The following PHACTR4 variants were observed in gnomAD, a reference collection of about 807,000 sequenced individuals.
PHACTR4 encodes the protein phosphatase and actin regulator 4.
Under a neutral mutation model 72.7 loss-of-function variants are expected in PHACTR4, and 51 were observed. The ratio of observed to expected loss-of-function variants is 0.70; its 90% CI spans 0.56 to 0.89. The LOEUF is 0.89. Ranked by LOEUF, PHACTR4 falls within the 40% of genes least tolerant of loss-of-function variation. The pLI, the probability that PHACTR4 is intolerant of heterozygous loss-of-function variation, is 0.00. For synonymous variants in PHACTR4, 255 were observed against 302.5 expected, an observed-to-expected ratio of 0.84 and a Z score of 1.63; for missense variants, 731 against 861.8, an observed-to-expected ratio of 0.85 and a Z score of 1.90.
At chr1:28,496,423 A>G in intron 13 of PHACTR4, 111 bp from the exon 14 acceptor site, 1 of 1,219,206 alleles carries the variant, frequency 8.2e-7, no homozygotes. Context: ...GTCGAATTAG[A>G]GCAGAGGAAA....
At chr1:28,473,533 G>T in intron 6 of PHACTR4, 21 bp from the exon 7 acceptor site, 1 of 1,542,046 alleles carries the variant, frequency 6.5e-7, no homozygotes, top group African/African-American at 1.4e-5. Flanking sequence ...TGAAATTGAT[G>T]TGTTGCTCTC....
intron 9 of PHACTR4, among the ~76,000 whole-genome samples, chr1:28,483,240 A>G (rs1351023943): frequency 2.6e-5 from 4 of 151,922 alleles, no homozygotes; most frequent in Non-Finnish European, 4.4e-5. Context: ...CAAAAAAACA[A>G]AAAACTTAGC....
chr1:28,418,314 A>C (rs796621053), intron 2 of PHACTR4, among the ~76,000 whole-genome samples: 1 of 148,228 alleles, frequency 6.7e-6, no homozygotes, highest in Non-Finnish European at 1.5e-5. Context: ...AATACAAAAA[A>C]AAAAAATAAT....
chr1:28,472,224 T>C (rs1178747322), intron 6 of PHACTR4, among the ~76,000 whole-genome samples: 1 of 147,736 alleles, frequency 6.8e-6, no homozygotes, highest in Non-Finnish European at 1.5e-5. Flanking sequence ...AAAAAAAAAT[T>C]AGAGACAGTA....
chr1:28,378,284 C>G (rs1310047813), intron 1 of PHACTR4, among the ~76,000 whole-genome samples: 4 of 145,734 alleles, frequency 2.7e-5, no homozygotes, highest in Non-Finnish European at 6.0e-5. Flanking sequence ...GGTGGATCAC[C>G]TGAGGTCAGG....
chr1:28,388,684 T>C (rs771491024), intron 1 of PHACTR4, among the ~76,000 whole-genome samples: 11 of 152,140 alleles, frequency 7.2e-5, no homozygotes, highest in Middle Eastern at 3.2e-3. Flanking sequence ...ACCCCGTCTC[T>C]ACTAAAAATA....
chr1:28,410,007 C>G (rs576994958), intron 2 of PHACTR4, among the ~76,000 whole-genome samples: 8 of 128,216 alleles, frequency 6.2e-5, no homozygotes, highest in Non-Finnish European at 1.2e-4. Flanking sequence ...TCGCTGTGTC[C>G]CCAGGCTGGA....
Position 28,480,734 on chromosome 1 carries a change from A to G in PHACTR4, c.1760+130A>G, listed in dbSNP as rs111849935. On this transcript the variant is annotated intron_variant, in intron 9 of 13. Coordinates refer to ENST00000373839, the MANE Select transcript of PHACTR4 (RefSeq NM_001048183.3). ...GAGACAGGGTCTTGCTCTGTCACCC[A>G]GGCTGGAGTAGTGGCGCGATCTCGG... 224 of 1,235,780 alleles carry G rather than the reference A, an allele frequency of 1.8e-4. 1 individual carries two copies. The African/African-American group carries it at 2.9e-3, about 16-fold the overall frequency. 76.6% of individuals were successfully genotyped at this position (1,235,780 alleles called of 1,614,324 possible).
At chr1:28,479,406 C>T (rs1201795118) in intron 8 of PHACTR4, among the ~76,000 whole-genome samples, 12 of 129,468 alleles carry the variant, frequency 9.3e-5, no homozygotes, top group African/African-American at 3.2e-4. Context: ...GGTCACAGAG[C>T]GAGACTCTGT....
intron 10 of PHACTR4, among the ~76,000 whole-genome samples, chr1:28,490,399 G>A (rs956590208): frequency 6.6e-6 from 1 of 151,954 alleles, no homozygotes. Flanking sequence ...GGGCATGGTG[G>A]CGGGCGCCTG....
chr1:28,458,121 TG>T (rs1658538183), intron 2 of PHACTR4, among the ~76,000 whole-genome samples: 1 of 147,754 alleles, frequency 6.8e-6, no homozygotes, highest in Admixed American at 6.7e-5. Flanking sequence ...TGTGTGTGTG[TG>T]TGTGTGTGTG....
At chr1:28,417,218 G>A (rs1196110755) in intron 2 of PHACTR4, among the ~76,000 whole-genome samples, 47 of 152,166 alleles carry the variant, frequency 3.1e-4, no homozygotes, top group Admixed American at 3.1e-3. Flanking sequence ...GCAGATGATT[G>A]CAGTAGTCCC....
At chr1:28,399,412 A>G (rs886359719) in intron 1 of PHACTR4, among the ~76,000 whole-genome samples, 5 of 152,190 alleles carry the variant, frequency 3.3e-5, no homozygotes, top group African/African-American at 4.8e-5. Flanking sequence ...GTGATATGGC[A>G]TGATTTATTT....
chr1:28,442,067 A>C (rs1657074880), intron 2 of PHACTR4, among the ~76,000 whole-genome samples: 1 of 152,222 alleles, frequency 6.6e-6, no homozygotes, highest in Non-Finnish European at 1.5e-5. Context: ...TTTGCTCACC[A>C]AAATTCTTTA....
chr1:28,395,006 C>T (rs751714997), intron 1 of PHACTR4, among the ~76,000 whole-genome samples: 3 of 151,650 alleles, frequency 2.0e-5, no homozygotes, highest in Admixed American at 6.6e-5. Context: ...CTCTGCCTTC[C>T]GGGTTCAAGC....
Position 28,473,661 on chromosome 1 carries a change from G to T in PHACTR4, c.931G>T (p.Ala311Ser). The T allele has an allele frequency of 6.2e-7, 1 of 1,614,066 alleles. No individual in the cohort carries two copies. Among genetic ancestry groups the T allele is most frequent in the Non-Finnish European group, 8.5e-7 (1 of 1,180,008 alleles). The change falls in exon 7 of 14, where the codon GCT becomes TCT. Residue 311 changes from alanine to serine, a missense_variant. Coordinates refer to ENST00000373839, the MANE Select transcript of PHACTR4 (RefSeq NM_001048183.3). ...PSTSVPTLES[A>S]AAITTKTPSD... ...AACCTCAGTACCCACCTTGGAGTCT[G>T]CTGCTGCCATCACCACAAAAACACC...
At chr1:28,381,533 C>T (rs915952696) in intron 1 of PHACTR4, among the ~76,000 whole-genome samples, 39 of 151,612 alleles carry the variant, frequency 2.6e-4, no homozygotes, top group African/African-American at 7.7e-4. Context: ...CTCCTGACCT[C>T]GTGATCCGCC....
At position 28,460,282 on chromosome 1, in the gene PHACTR4, C is replaced by T. The variant is rs75590636; in HGVS notation, c.261C>T (p.Asp87=). 0.018 allele frequency: 28,628 copies of T among 1,612,466 alleles called. 338 individuals carry two copies. Among genetic ancestry groups the T allele is most frequent in the Non-Finnish European group, 0.021 (24,485 of 1,178,724 alleles). ...TTAAAAGAGGGGTTCTGTTGGAAGA[C>T]CCTGAGCAAGGTGAGTTTACAAATA... ...ELVKRGVLLE[D]PEQGGEDPGK... The change falls in exon 4 of 14, where the codon GAC becomes GAT. Residue 87 remains aspartate, a synonymous_variant. Transcript: ENST00000373839.
intron 10 of PHACTR4, chr1:28,489,821 T>C (rs994904540): frequency 1.9e-6 from 1 of 518,940 alleles, no homozygotes; most frequent in African/African-American, 1.9e-5. Context: ...TGAGAAGGTT[T>C]GGGCTTCCTT....
Sources: gnomAD v4.1 joint callset for allele counts (sites outside exome capture counted in the v4.1 genomes callset) on GRCh38, gnomAD v4.1.1 for gene constraint, MANE v1.5 for transcripts, NCBI Gene and HGNC (gene_info 2026-07-23, HGNC 2026-07-21) for gene names.